Variants in PHIP observed in about 807,000 individuals in gnomAD.
PHIP encodes the protein PHIP subunit of CUL4-Ring ligase complex.
In PHIP, 54 loss-of-function variants were observed where a neutral mutation model predicts 236.8. The observed-to-expected ratio is 0.23, with a 90% CI of 0.18 to 0.29. The LOEUF (loss-of-function observed/expected upper bound fraction) is 0.29. Ranked by LOEUF, PHIP falls within the 10% of genes least tolerant of loss-of-function variation. The probability of loss-of-function intolerance (pLI) is 1.00; values close to 1 mark genes in which losing one functional copy is unlikely to be tolerated. For missense variants in PHIP, 1,370 were observed against 2,190.8 expected, an observed-to-expected ratio of 0.63 and a Z score of 7.48; for synonymous variants, 756 against 718.9, an observed-to-expected ratio of 1.05 and a Z score of -0.83.
intron 6 of PHIP, among the ~76,000 whole-genome samples, chr6:79,052,644 T>C (rs1340447396): frequency 6.6e-6 from 1 of 152,176 alleles, no homozygotes; most frequent in Non-Finnish European, 1.5e-5. Context: ...ATCAAAGGGT[T>C]CTGAAAACAA....
intron 39 of PHIP, among the ~76,000 whole-genome samples, chr6:78,943,578 G>A (rs1462702443): frequency 6.6e-6 from 1 of 152,136 alleles, no homozygotes; most frequent in African/African-American, 2.4e-5. Context: ...CATTAAAAAT[G>A]AGTAAACACA....
chr6:79,016,713 G>C (rs977517180), intron 12 of PHIP, 71 bp from the exon 13 acceptor site: 2 of 882,326 alleles, frequency 2.3e-6, no homozygotes, highest in Non-Finnish European at 3.5e-6. Context: ...TTTTCCCAGA[G>C]ATCTTGTTTA....
intron 35 of PHIP, 64 bp downstream of exon 35, chr6:78,954,750 A>G (rs1340319196): frequency 1.8e-5 from 17 of 968,820 alleles, no homozygotes; most frequent in Non-Finnish European, 1.5e-6. Flanking sequence ...TAAAATAGCC[A>G]ACTGTCATGT....
chr6:78,998,273 A>G lies in PHIP; in HGVS notation c.1998T>C (p.Asn666=). ...GCTTACCTCTACTTAAACGGCTGGT[A>G]TTACTGATAACTGCTTCACCAGAAC... ...LRRSGEAVIS[N]TSRLSRGSIS... Residue 666 remains asparagine (N), a synonymous_variant, in exon 18 of 40, where the codon AAT becomes AAC. Transcript: ENST00000275034. The G allele has an allele frequency of 6.2e-7, 1 of 1,611,044 alleles. No homozygotes were observed. The highest frequency in any genetic ancestry group is 8.5e-7 in the Non-Finnish European group (1 of 1,177,290).
At chr6:78,997,727 T>G (rs1287601206) in intron 18 of PHIP, 130 bp from the exon 19 acceptor site, 1 of 724,694 alleles carries the variant, frequency 1.4e-6, no homozygotes, top group Admixed American at 3.2e-5. Context: ...TAAATTACCA[T>G]ATCAGGAACT....
At chr6:79,005,696 T>C (rs1770253951) in intron 15 of PHIP, among the ~76,000 whole-genome samples, 1 of 152,026 alleles carries the variant, frequency 6.6e-6, no homozygotes, top group African/African-American at 2.4e-5. Context: ...AAGATTACAA[T>C]TTGAAGTAGA....
At chr6:78,970,291 G>A (rs7768414) in intron 25 of PHIP, 118 bp from the exon 26 acceptor site, 1 of 759,488 alleles carries the variant, frequency 1.3e-6, no homozygotes. Context: ...GGTGATGACT[G>A]TGTACATGTA....
rs1265305504 is a variant in PHIP at position 78,934,768 on chromosome 6, C to T, written c.*5925G>A. The stretch of plus-strand genomic sequence containing the variant: ...AACTTTACAGATGAGGAAAATGAAG[C>T]TCTGAGATACGACTTTGCTGGGGTT... On this transcript the variant is annotated 3_prime_UTR_variant, in exon 40 of 40. Transcript: ENST00000275034. Among the ~76,000 whole-genome samples the T allele has an allele frequency of 6.6e-6, 1 of 152,144 alleles. No homozygotes were observed. Among genetic ancestry groups the T allele is most frequent in the African/African-American group, 2.4e-5 (1 of 41,428 alleles).
intron 19 of PHIP, 147 bp downstream of exon 19, chr6:78,997,267 A>G: frequency 1.9e-6 from 1 of 526,798 alleles, no homozygotes; most frequent in Non-Finnish European, 3.4e-6. Flanking sequence ...TAGAAACTTA[A>G]TTTTTCTACA....
intron 20 of PHIP, 61 bp downstream of exon 20, chr6:78,990,807 C>G (rs974038330): frequency 3.6e-6 from 3 of 840,760 alleles, no homozygotes; most frequent in South Asian, 1.8e-5. Context: ...CAAAATGGAG[C>G]CTTAAAATGG....
chr6:79,060,116 A>G (rs1773298342), intron 6 of PHIP, among the ~76,000 whole-genome samples: 1 of 152,054 alleles, frequency 6.6e-6, no homozygotes, highest in Non-Finnish European at 1.5e-5. Flanking sequence ...GAAAAAAAAA[A>G]AAAAGTACTG....
chr6:79,063,526 C>T (rs958607987), intron 4 of PHIP, among the ~76,000 whole-genome samples: 6 of 152,146 alleles, frequency 3.9e-5, no homozygotes, highest in Non-Finnish European at 5.9e-5. Flanking sequence ...AAGTGATTCT[C>T]CTGCCTCGCC....
At chr6:79,069,183 T>C in intron 4 of PHIP, among the ~76,000 whole-genome samples, 1 of 148,108 alleles carries the variant, frequency 6.8e-6, no homozygotes, top group East Asian at 1.9e-4. Flanking sequence ...TATTTTATTA[T>C]TTATAATATA....
chr6:78,970,753 G>T (rs1219857498), intron 25 of PHIP, 28 bp downstream of exon 25: 1 of 1,351,200 alleles, frequency 7.4e-7, no homozygotes, highest in Non-Finnish European at 1.0e-6. Context: ...TATTTTTGGG[G>T]CTATTAAATA....
chr6:79,016,532 T>C lies in PHIP; in HGVS notation c.1235+12A>G, dbSNP rs1310303089. The C allele has an allele frequency of 6.4e-7, 1 of 1,554,780 alleles. No individual in the cohort carries two copies. The highest frequency in any genetic ancestry group is 2.2e-5 in the East Asian group (1 of 44,520). On this transcript the variant is annotated intron_variant, in intron 13 of 39. Transcript: ENST00000275034. The stretch of plus-strand genomic sequence containing the variant: ...TCAATATATACATAATATTTCAAAT[T>C]TGACCTCTTACCCTGCTGGACGAGT...
chr6:79,017,465 C>A lies in PHIP; in HGVS notation c.1095+18G>T, dbSNP rs1367748137. Reference sequence around the variant, plus strand: ...TCACATAAATTATACTCATCTAATTCTTTTCACCAATACTTACAGTATGAA... The same window carrying A: ...TCACATAAATTATACTCATCTAATTATTTTCACCAATACTTACAGTATGAA... On this transcript the variant is annotated intron_variant, in intron 11 of 39. Transcript: ENST00000275034. 3 of 1,592,210 alleles carry A rather than the reference C, an allele frequency of 1.9e-6. No individual in the cohort carries two copies. The African/African-American group carries it at 4.0e-5, about 21-fold the overall frequency.
Position 78,998,299 on chromosome 6 carries a change from G to A in PHIP, c.1972C>T (p.Arg658Cys), listed in dbSNP as rs1391155501. 1 of 1,610,884 alleles carries A rather than the reference G, an allele frequency of 6.2e-7. No individual in the cohort carries two copies. Among genetic ancestry groups the A allele is most frequent in the Non-Finnish European group, 8.5e-7 (1 of 1,177,128 alleles). The stretch of plus-strand genomic sequence containing the variant: ...TTACTGATAACTGCTTCACCAGAAC[G>A]TCTCAGGTCTTGCTCCTGTTGTAGT... ...QRLQQEQDLR[R>C]SGEAVISNTS... Residue 658 changes from arginine to cysteine, a missense_variant, in exon 18 of 40, where the codon CGT becomes TGT. Physicochemically the swap from Arg to Cys is radical, Grantham distance 180. Transcript: ENST00000275034.
At chr6:78,997,355 G>A in intron 19 of PHIP, 59 bp downstream of exon 19, 1 of 1,473,678 alleles carries the variant, frequency 6.8e-7, no homozygotes, top group Non-Finnish European at 9.4e-7. Context: ...TGTGAATGCT[G>A]TTAACTCCAA....
At chr6:79,013,575 T>C (rs1373989054) in intron 15 of PHIP, among the ~76,000 whole-genome samples, 2 of 151,738 alleles carry the variant, frequency 1.3e-5, no homozygotes, top group Non-Finnish European at 3.0e-5. Context: ...CCTGGTTACA[T>C]TACTAATTTT....
Sources: gnomAD v4.1 joint callset for allele counts (sites outside exome capture counted in the v4.1 genomes callset) on GRCh38, gnomAD v4.1.1 for gene constraint, MANE v1.5 for transcripts, NCBI Gene and HGNC (gene_info 2026-07-23, HGNC 2026-07-21) for gene names.